MAP1A: variants seen among roughly 807,000 people sequenced by gnomAD.
The protein encoded by MAP1A is microtubule associated protein 1A.
A neutral mutation model predicts 185.9 loss-of-function variants in MAP1A; 42 were observed. The ratio of observed to expected loss-of-function variants is 0.23; its 90% CI spans 0.18 to 0.29. MAP1A has a LOEUF of 0.29. Ranked by LOEUF, MAP1A falls within the 10% of genes least tolerant of loss-of-function variation. MAP1A has a pLI of 1.00. For synonymous variants in MAP1A, 1,229 were observed against 1,335.9 expected (o/e 0.92, Z 1.74); for missense variants, 2,995 against 3,450.4 (o/e 0.87, Z 3.31).
intron 1 of MAP1A, among the ~76,000 whole-genome samples, chr15:43,518,452 A>G (rs1189554516): frequency 6.6e-6 from 1 of 152,090 alleles, no homozygotes; most frequent in African/African-American, 2.4e-5. Flanking sequence ...TCTCTTCCCA[A>G]GATGGGGGCT....
At chr15:43,511,962 C>T (rs1409891949) in intron 1 of MAP1A, among the ~76,000 whole-genome samples, 2 of 152,214 alleles carry the variant, frequency 1.3e-5, no homozygotes, top group African/African-American at 4.8e-5. Flanking sequence ...TTAGTCTAAA[C>T]TCTGTCCTTC....
At position 43,527,940 on chromosome 15, in the gene MAP1A, C is replaced by G. The variant is rs1482031727; in HGVS notation, c.6467C>G (p.Pro2156Arg). ...CCTCCCTTGGACTCACACCTGGGGC[C>G]TGCCCGACCCAGTCTGGACTTCCCT... ...VSPPLDSHLG[P>R]ARPSLDFPAS... Residue 2156 changes from proline (P) to arginine (R), a missense_variant, in exon 4 of 6, where the codon CCT becomes CGT. Coordinates refer to ENST00000300231, the MANE Select transcript of MAP1A (RefSeq NM_002373.6). The G allele has an allele frequency of 6.2e-7, 1 of 1,614,036 alleles. No homozygotes were observed. The highest frequency in any genetic ancestry group is 1.3e-5 in the African/African-American group (1 of 74,920).
rs749718783 is a variant in MAP1A, at chr15:43,526,538, G to A, written c.5065G>A (p.Val1689Met). 5 of 1,614,034 alleles carry A rather than the reference G, an allele frequency of 3.1e-6. No individual in the cohort carries two copies. The Admixed American group carries it at 8.3e-5, about 27-fold the overall frequency. ...TAGGTATTGGAGGGGCAGAGAGGAT[G>A]TGGCCTTGGAACAGGACACATACTG... ...DNRYWRGREDVALEQDTYWRE... is the reference protein window; with the variant it reads ...DNRYWRGREDMALEQDTYWRE... Residue 1689 changes from valine to methionine, a missense_variant, in exon 4 of 6, where the codon GTG (valine) becomes ATG (methionine). Physicochemically the swap from Val to Met is conservative, Grantham distance 21 (BLOSUM62 1). Around this residue, in one of 3 missense-constraint regions of MAP1A, gnomAD observed 2,728 missense variants for 2,986.0 expected, o/e 0.91. Coordinates refer to ENST00000300231, the MANE Select transcript of MAP1A (RefSeq NM_002373.6). This position sits in a 1 kb window ranked among gnomAD's most constrained non-coding sequence, Gnocchi z 4.7.
upstream of MAP1A, among the ~76,000 whole-genome samples, chr15:43,517,325 A>C (rs890734393): frequency 1.3e-5 from 2 of 152,060 alleles, no homozygotes; most frequent in Non-Finnish European, 2.9e-5. Context: ...TCTGTGCCCT[A>C]GCATGGGGCT....
chr15:43,529,555 T>C lies in MAP1A; in HGVS notation c.8035+47T>C, dbSNP rs1409848997. 1 of 1,603,098 alleles carries C rather than the reference T, an allele frequency of 6.2e-7. No homozygotes were observed. The highest frequency in any genetic ancestry group is 2.2e-5 in the East Asian group (1 of 44,758). On this transcript the variant is annotated intron_variant, in intron 4 of 5. Transcript: ENST00000300231. The surrounding 1 kb of genome is among the most constrained non-coding windows in gnomAD (Gnocchi z 4.3). ...GCAGAGAGTGTGGGTTAGGGCTGGG[T>C]GTGGGCTGGTCAGACTTCAGGAGTG... is the stretch of plus-strand genomic sequence containing the variant.
Position 43,528,962 on chromosome 15 carries a change from G to A in MAP1A, c.7489G>A (p.Glu2497Lys), listed in dbSNP as rs1205843866. The change falls in exon 4 of 6, where the codon GAG becomes AAG. Residue 2497 changes from glutamate (E) to lysine (K), a missense_variant. Physicochemically the swap from Glu to Lys is moderately conservative, Grantham distance 56. This residue lies in a region of MAP1A where 2,728 missense variants were observed against 2,986.0 expected (regional missense o/e 0.91). Coordinates refer to ENST00000300231, the MANE Select transcript of MAP1A (RefSeq NM_002373.6). ...TGGGGGCCCATGCCCTGTGACTGATGAGACACCCCCTACATCAGCCAGTGA... is the reference window on the plus strand; with the variant it reads ...TGGGGGCCCATGCCCTGTGACTGATAAGACACCCCCTACATCAGCCAGTGA... The part of the protein sequence containing the change: ...TTGGPCPVTD[E>K]TPPTSASDSG... 3.7e-6 allele frequency: 6 copies of A among 1,613,270 alleles called. No homozygotes were observed. In the South Asian group the frequency reaches 6.6e-5, roughly 18 times the overall value.
chr15:43,523,535 C>G lies in MAP1A; in HGVS notation c.2062C>G (p.Pro688Ala). ...EGFYQKHMQE[P>A]LKVTPRSREA... is the part of the protein sequence containing the mutation. Reference sequence around the variant, plus strand: ...TTTTTACCAAAAACATATGCAGGAACCCTTGAAGGTAACTCCAAGGAGCCG... The same window carrying G: ...TTTTTACCAAAAACATATGCAGGAAGCCTTGAAGGTAACTCCAAGGAGCCG... The change falls in exon 4 of 6, where the codon CCC becomes GCC. Residue 688 changes from proline to alanine, a missense_variant. Around this residue, in one of 3 missense-constraint regions of MAP1A, gnomAD observed 2,728 missense variants for 2,986.0 expected, o/e 0.91. Coordinates refer to ENST00000300231, the MANE Select transcript of MAP1A (RefSeq NM_002373.6). 3 of 1,614,164 alleles carry G rather than the reference C, an allele frequency of 1.9e-6. No homozygotes were observed. Among genetic ancestry groups the G allele is most frequent in the Non-Finnish European group, 1.7e-6 (2 of 1,180,014 alleles).
Position 43,525,462 on chromosome 15 carries a change from T to C in MAP1A, c.3989T>C (p.Leu1330Ser), listed in dbSNP as rs1566978246. Residue 1330 changes from leucine to serine, a missense_variant, in exon 4 of 6, where the codon TTG (leucine) becomes TCG (serine). By Grantham distance (145) the Leu-to-Ser change is moderately radical. Coordinates refer to ENST00000300231, the MANE Select transcript of MAP1A (RefSeq NM_002373.6). ...DSSFSKSPESLPGPALEDIAI... is the reference protein window; with the variant it reads ...DSSFSKSPESSPGPALEDIAI... ...TCCTTCTCCAAGAGTCCTGAGTCTT[T>C]GCCAGGCCCTGCCTTGGAGGACATT... 1 of 1,614,214 alleles carries C rather than the reference T, an allele frequency of 6.2e-7. No individual in the cohort carries two copies. The highest frequency in any genetic ancestry group is 8.5e-7 in the Non-Finnish European group (1 of 1,180,038).
At position 43,521,226 on chromosome 15, in the gene MAP1A, G is replaced by C; in HGVS notation, c.-150-98G>C. 1.4e-6 allele frequency: 2 copies of C among 1,475,598 alleles called. No homozygotes were observed. Among genetic ancestry groups the C allele is most frequent in the Non-Finnish European group, 1.8e-6 (2 of 1,117,046 alleles). 91.4% of individuals were successfully genotyped at this position (1,475,598 alleles called of 1,614,324 possible). A position where few individuals can be genotyped will look rare whatever the true frequency, so the allele number is the denominator to read the frequency against. ...GGGGGGCCCTGGCAGAAAGGTAAGA[G>C]TCCACCTTGGAAAGAGGTGAAGATT... On this transcript the variant is annotated intron_variant, in intron 3 of 5. Transcript: ENST00000300231. This position sits in a 1 kb window ranked among gnomAD's most constrained non-coding sequence, Gnocchi z 4.6.
At position 43,511,910 on chromosome 15, in the gene MAP1A, TTACAAGAAAATTCC is replaced by T. The variant is rs3840833; in HGVS notation, c.239-276_239-263del. On this transcript the variant is annotated intron_variant, in intron 1 of 6. Transcript: ENST00000382031. ...TCACTTCCACCACAACTGGGGAACC[TTACAAGAAAATTCC>T]TACCTATAGACTCATTAATGACCGA... Among the ~76,000 whole-genome samples the T allele has an allele frequency of 3.5e-3, 526 of 152,334 alleles. 16 individuals carry two copies. In the East Asian group the frequency reaches 0.073, roughly 21 times the overall value.
At chr15:43,516,300 C>G (rs1035667455), upstream of MAP1A, among the ~76,000 whole-genome samples, 1 of 152,190 alleles carries the variant, frequency 6.6e-6, no homozygotes, top group Non-Finnish European at 1.5e-5. Flanking sequence ...CCCTCAACCC[C>G]CAAGAGTACT....
rs1467757897 is a variant in MAP1A at position 43,530,106 on chromosome 15, G to A, written c.8294G>A (p.Arg2765His). Residue 2765 changes from arginine (R) to histidine (H), a missense_variant, in exon 6 of 6, where the codon CGT becomes CAT. Coordinates refer to ENST00000300231, the MANE Select transcript of MAP1A (RefSeq NM_002373.6). ...CCTACTCATGACACGGAGGTGACTCGTGAGTGGTACCAACAAACTCATGAG... is the reference window on the plus strand; with the variant it reads ...CCTACTCATGACACGGAGGTGACTCATGAGTGGTACCAACAAACTCATGAG... ...LIPTHDTEVT[R>H]EWYQQTHEQQ... 3.1e-6 allele frequency: 5 copies of A among 1,614,144 alleles called. No homozygotes were observed. The highest frequency in any genetic ancestry group is 3.3e-5 in the Admixed American group (2 of 60,028).
chr15:43,523,203 C>T lies in MAP1A; in HGVS notation c.1730C>T (p.Pro577Leu). The change falls in exon 4 of 6, where the codon CCA becomes CTA. Residue 577 changes from proline to leucine, a missense_variant. By Grantham distance (98) the Pro-to-Leu change is moderately conservative. This residue lies in a region of MAP1A where 2,728 missense variants were observed against 2,986.0 expected (regional missense o/e 0.91). Coordinates refer to ENST00000300231, the MANE Select transcript of MAP1A (RefSeq NM_002373.6). ...CCAAGTACAGCTATCCAGGGAACAC[C>T]ACCCTCTGTTCCAGGGCTGGGACAA... ...GPPSTAIQGT[P>L]PSVPGLGQEE... 1 of 1,614,144 alleles carries T rather than the reference C, an allele frequency of 6.2e-7. No individual in the cohort carries two copies. The highest frequency in any genetic ancestry group is 8.5e-7 in the Non-Finnish European group (1 of 1,180,020).
At position 43,522,526 on chromosome 15, in the gene MAP1A, G is replaced by A; in HGVS notation, c.1053G>A (p.Glu351=). 6.2e-7 allele frequency: 1 copy of A among 1,613,042 alleles called. No individual in the cohort carries two copies. Among genetic ancestry groups the A allele is most frequent in the Non-Finnish European group, 8.5e-7 (1 of 1,179,460 alleles). ...VEEGAKEARS[E]LAKELAKTEK... ...AGGGAGCCAAGGAGGCACGTTCAGAGCTGGCCAAGGAGTTAGCCAAGACAG... is the reference window on the plus strand; with the variant it reads ...AGGGAGCCAAGGAGGCACGTTCAGAACTGGCCAAGGAGTTAGCCAAGACAG... Residue 351 remains glutamate (E), a synonymous_variant, in exon 4 of 6, where the codon GAG becomes GAA. Transcript: ENST00000300231. This position sits in a 1 kb window ranked among gnomAD's most constrained non-coding sequence, Gnocchi z 5.9.
chr15:43,523,224 G>A lies in MAP1A; in HGVS notation c.1751G>A (p.Gly584Glu). 1 of 1,614,118 alleles carries A rather than the reference G, an allele frequency of 6.2e-7. No individual in the cohort carries two copies. The highest frequency in any genetic ancestry group is 8.5e-7 in the Non-Finnish European group (1 of 1,180,030). The stretch of plus-strand genomic sequence containing the variant: ...ACACCACCCTCTGTTCCAGGGCTGG[G>A]ACAAGAAGAACATGTGATGAAGGAG... ...QGTPPSVPGL[G>E]QEEHVMKEKE... The change falls in exon 4 of 6, where the codon GGA (glycine) becomes GAA (glutamate). Residue 584 changes from glycine (G) to glutamate (E), a missense_variant. This residue lies in a region of MAP1A where 2,728 missense variants were observed against 2,986.0 expected (regional missense o/e 0.91). Transcript: ENST00000300231.
In MAP1A at chr15:43,512,234, C is replaced by T. The variant is rs188742266; in HGVS notation, c.283C>T (p.Gln95Ter). 4.0e-4 allele frequency: 622 copies of T among 1,550,206 alleles called. 3 individuals are homozygous for T. Among genetic ancestry groups the T allele is most frequent in the Non-Finnish European group, 2.8e-5 (32 of 1,146,212 alleles). The change falls in exon 2 of 7, where the codon CAA (glutamine) becomes TAA (stop). Residue 95 changes from glutamine to a stop codon, truncating the protein, a stop_gained. Transcript: ENST00000382031. LOFTEE classifies it high-confidence loss of function. ...TGACCTGTCATCCTTTGACTTGAAC[C>T]AACAGTTGAGACTCTTCATTACCCG...
Position 43,524,547 on chromosome 15 carries a change from A to G in MAP1A, c.3074A>G (p.Gln1025Arg). The G allele has an allele frequency of 6.2e-7, 1 of 1,614,158 alleles. No individual in the cohort carries two copies. Residue 1025 changes from glutamine (Q) to arginine (R), a missense_variant, in exon 4 of 6, where the codon CAG becomes CGG. Around this residue, in one of 3 missense-constraint regions of MAP1A, gnomAD observed 2,728 missense variants for 2,986.0 expected, o/e 0.91. Coordinates refer to ENST00000300231, the MANE Select transcript of MAP1A (RefSeq NM_002373.6). ...GAAAAGTCTGAGCCCCAAGACTTTC[A>G]GGAGGCAGACTCCTGGGGAGACACT... Reference protein sequence around the residue: ...VEEKSEPQDFQEADSWGDTKR... With the variant: ...VEEKSEPQDFREADSWGDTKR...
In MAP1A at chr15:43,526,776, AGGT is replaced by A. The variant is rs1250130623; in HGVS notation, c.5306_5308del (p.Val1769del). On this transcript the variant is annotated inframe_deletion, in exon 4 of 6. Transcript: ENST00000300231. This position sits in a 1 kb window ranked among gnomAD's most constrained non-coding sequence, Gnocchi z 4.7. ...GAATCCTCACCACAGAAGGGGCTAG[AGGT>A]GGAGCGCTGGCTTGCTGAATCACCA... 6.2e-7 allele frequency: 1 copy of A among 1,614,146 alleles called. No individual in the cohort carries two copies. The highest frequency in any genetic ancestry group is 1.1e-5 in the South Asian group (1 of 91,090).
At position 43,523,974 on chromosome 15, in the gene MAP1A, A is replaced by G; in HGVS notation, c.2501A>G (p.Glu834Gly). Residue 834 changes from glutamate to glycine, a missense_variant, in exon 4 of 6, where the codon GAG becomes GGG. By Grantham distance (98) the Glu-to-Gly change is moderately conservative (BLOSUM62 -2). This residue lies in a region of MAP1A where 2,728 missense variants were observed against 2,986.0 expected (regional missense o/e 0.91). Coordinates refer to ENST00000300231, the MANE Select transcript of MAP1A (RefSeq NM_002373.6). ...GTGTCCTCGGCCACTTCAATCACTG[A>G]GTGTGACAAACTTTCTTCCTTTGCC... ...EHVSSATSITECDKLSSFATS... is the reference protein window; with the variant it reads ...EHVSSATSITGCDKLSSFATS... 1 of 1,614,064 alleles carries G rather than the reference A, an allele frequency of 6.2e-7. No individual in the cohort carries two copies. The highest frequency in any genetic ancestry group is 8.5e-7 in the Non-Finnish European group (1 of 1,180,014).
Sources: gnomAD v4.1 joint callset for allele counts (sites outside exome capture counted in the v4.1 genomes callset) on GRCh38, gnomAD v4.1.1 for gene constraint, gnomAD v4.1.1 regional missense constraint, Gnocchi (gnomAD v3.1) non-coding constraint, MANE v1.5 for transcripts, NCBI Gene and HGNC (gene_info 2026-07-23, HGNC 2026-07-21) for gene names.